Variants in PLEKHG2 observed in about 807,000 individuals in gnomAD.
PLEKHG2 encodes the protein pleckstrin homology and RhoGEF domain containing G2.
In PLEKHG2, 71 loss-of-function variants were observed where a neutral mutation model predicts 104.4. The observed-to-expected ratio is 0.68, with a 90% CI of 0.56 to 0.83. The LOEUF is 0.83. PLEKHG2 is among the 40% of genes least tolerant of loss of function. The pLI, the probability that PLEKHG2 is intolerant of heterozygous loss-of-function variation, is 0.00. For missense variants in PLEKHG2, 1,730 were observed against 1,809.4 expected (o/e 0.96, Z 0.80); for synonymous variants, 728 against 737.0 (o/e 0.99, Z 0.20).
intron 9 of PLEKHG2, 132 bp downstream of exon 9, chr19:39,418,237 G>A (rs2078640482): frequency 2.5e-6 from 2 of 807,202 alleles, no homozygotes; most frequent in East Asian, 3.2e-5. Flanking sequence ...GGAAGCCAAG[G>A]GAAGCTTTCT....
intron 7 of PLEKHG2, 151 bp from the exon 8 acceptor site, chr19:39,417,404 C>A (rs2078623521): frequency 2.0e-6 from 2 of 1,024,550 alleles, no homozygotes; most frequent in Non-Finnish European, 2.8e-6. Flanking sequence ...TTGCCCACCT[C>A]AGCCTCCCAA....
chr19:39,421,527 A>G (rs1600660296), intron 16 of PLEKHG2: 2 of 563,844 alleles, frequency 3.5e-6, no homozygotes, highest in Non-Finnish European at 6.4e-6. Flanking sequence ...CTCTACAAAA[A>G]GTACAAAAAA....
rs1300965929 is a variant in PLEKHG2 at position 39,424,786 on chromosome 19, G to C, written c.3653G>C (p.Gly1218Ala). The part of the protein sequence containing the change: ...VPAATPLPER[G>A]GSLDIQGLSP... Reference sequence around the variant, plus strand: ...GCTGCCACACCTTTACCTGAGAGAGGAGGCTCTCTAGACATTCAGGGCCTC... The same window carrying C: ...GCTGCCACACCTTTACCTGAGAGAGCAGGCTCTCTAGACATTCAGGGCCTC... The change falls in exon 19 of 19, where the codon GGA becomes GCA. Residue 1218 changes from glycine (G) to alanine (A), a missense_variant. Coordinates refer to ENST00000425673, the MANE Select transcript of PLEKHG2 (RefSeq NM_022835.3). 4 of 1,614,010 alleles carry C rather than the reference G, an allele frequency of 2.5e-6. No homozygotes were observed. The African/African-American group carries it at 4.0e-5, about 16-fold the overall frequency.
Position 39,423,008 on chromosome 19 carries a change from G to A in PLEKHG2, c.1954G>A (p.Glu652Lys), listed in dbSNP as rs774674904. ...PEIPSRCEIP[E>K]GSRLPSLSDI... ...AATTCCCAGCCGCTGTGAAATTCCC[G>A]AAGGTTCTCGCCTTCCTAGTCTCTC... The change falls in exon 18 of 19, where the codon GAA becomes AAA. Residue 652 changes from glutamate to lysine, a missense_variant. Transcript: ENST00000425673. 3.7e-6 allele frequency: 6 copies of A among 1,614,152 alleles called. No homozygotes were observed. Among genetic ancestry groups the A allele is most frequent in the Admixed American group, 1.7e-5 (1 of 60,012 alleles).
chr19:39,418,557 T>C (rs889544764), intron 9 of PLEKHG2, among the ~76,000 whole-genome samples, 177 bp from the exon 10 acceptor site: 14 of 149,704 alleles, frequency 9.4e-5, no homozygotes, highest in African/African-American at 1.7e-4. Flanking sequence ...CCAGCCTGGG[T>C]GACAGAGCAA....
chr19:39,417,033 G>C (rs763986023), intron 7 of PLEKHG2, 33 bp downstream of exon 7: 113 of 1,573,824 alleles, frequency 7.2e-5, no homozygotes, highest in Middle Eastern at 1.7e-4. Flanking sequence ...AGGCTGGGGA[G>C]GGGGAGGTCC....
In PLEKHG2 at chr19:39,418,694, C is replaced by T. The variant is rs2078648653; in HGVS notation, c.1084-40C>T. 3.9e-6 allele frequency: 6 copies of T among 1,544,744 alleles called. No individual in the cohort carries two copies. The South Asian group carries it at 4.5e-5, about 12-fold the overall frequency. On this transcript the variant is annotated intron_variant, in intron 9 of 18. Transcript: ENST00000425673. ...CTCCGTACAAGGGGCATCACTGAGC[C>T]CAAGGACTCTGAGCTTGCTACCCCT... is the stretch of plus-strand genomic sequence containing the variant.
Position 39,418,123 on chromosome 19 carries a change from G to A in PLEKHG2, c.1083+18G>A, listed in dbSNP as rs776964458. The A allele has an allele frequency of 1.3e-6, 2 of 1,490,936 alleles. No individual in the cohort carries two copies. The highest frequency in any genetic ancestry group is 1.8e-6 in the Non-Finnish European group (2 of 1,121,884). 92.4% of individuals were successfully genotyped at this position (1,490,936 alleles called of 1,614,324 possible). On this transcript the variant is annotated intron_variant, in intron 9 of 18. Transcript: ENST00000425673. ...ACATCTTCGTGAGTTTGGGGATGGG[G>A]TGGGGCTAGAATACTACCTACAAAG...
Position 39,416,744 on chromosome 19 carries a change from C to A in PLEKHG2, c.594-106C>A. On this transcript the variant is annotated intron_variant, in intron 6 of 18. Transcript: ENST00000425673. This position sits in a 1 kb window ranked among gnomAD's most constrained non-coding sequence, Gnocchi z 4.5. The stretch of plus-strand genomic sequence containing the variant: ...AACTGACCTCTCCCTCACTGCCCCG[C>A]CCCCTGTCAGACCCTGACCCTTCCC... 1 of 1,471,538 alleles carries A rather than the reference C, an allele frequency of 6.8e-7. No individual in the cohort carries two copies. Among genetic ancestry groups the A allele is most frequent in the Non-Finnish European group, 9.3e-7 (1 of 1,076,402 alleles). The allele number at this position is 1,471,538 out of a possible 1,614,324, so 91.2% of individuals were successfully genotyped here.
Position 39,416,962 on chromosome 19 carries a change from C to G in PLEKHG2, c.706C>G (p.Pro236Ala), listed in dbSNP as rs779568921. The change falls in exon 7 of 19, where the codon CCT becomes GCT. Residue 236 changes from proline (P) to alanine (A), a missense_variant. Transcript: ENST00000425673. This position sits in a 1 kb window ranked among gnomAD's most constrained non-coding sequence, Gnocchi z 4.5. ...GCCCCTGCAGAGCTTCCTGCTGAAA[C>G]CTGTCCAGCGCATTCTCAAGTACCA... ...SLPLQSFLLK[P>A]VQRILKYHLL... 7.4e-6 allele frequency: 12 copies of G among 1,613,350 alleles called. No individual in the cohort carries two copies. The Admixed American group carries it at 1.8e-4, about 25-fold the overall frequency.
chr19:39,425,259 G>C lies in PLEKHG2; in HGVS notation c.4126G>C (p.Ala1376Pro). Reference protein sequence around the residue: ...STQESMGLHRAQGAPDAPFHM With the variant: ...STQESMGLHRPQGAPDAPFHM ...ACAGGAATCTATGGGCCTTCACAGGGCCCAGGGGGCTCCTGATGCCCCCTT... is the reference window on the plus strand; with the variant it reads ...ACAGGAATCTATGGGCCTTCACAGGCCCCAGGGGGCTCCTGATGCCCCCTT... The change falls in exon 19 of 19, where the codon GCC becomes CCC. Residue 1376 changes from alanine to proline, a missense_variant. Ala to Pro is a conservative substitution (Grantham distance 27). Coordinates refer to ENST00000425673, the MANE Select transcript of PLEKHG2 (RefSeq NM_022835.3). 1 of 1,613,072 alleles carries C rather than the reference G, an allele frequency of 6.2e-7. No individual in the cohort carries two copies.
At position 39,415,492 on chromosome 19, in the gene PLEKHG2, TC is replaced by T; in HGVS notation, c.479+55del. On this transcript the variant is annotated intron_variant, in intron 4 of 18. Transcript: ENST00000425673. The surrounding 1 kb of genome is among the most constrained non-coding windows in gnomAD (Gnocchi z 4.6). ...GCATTGATTGGTTGGAGGGTCTATT[TC>T]CTAATCCAAACCTCGGAGCTTCGTA... 1 of 1,590,810 alleles carries T rather than the reference TC, an allele frequency of 6.3e-7. No individual in the cohort carries two copies. Among genetic ancestry groups the T allele is most frequent in the Non-Finnish European group, 8.6e-7 (1 of 1,163,180 alleles).
rs1467568616 is a variant in PLEKHG2 at position 39,413,229 on chromosome 19, C to T, written c.-206C>T. 6.6e-6 allele frequency: 1 copy of T among 152,272 alleles called. No individual in the cohort carries two copies. The highest frequency in any genetic ancestry group is 1.5e-5 in the Non-Finnish European group (1 of 68,102). 9.4% of individuals were successfully genotyped at this position (152,272 alleles called of 1,614,324 possible). ...GAGTCGAGGCTCCTAGCATCCCCTA[C>T]GTAGAACACTGAGAAATTCCGACTG... On this transcript the variant is annotated 5_prime_UTR_variant, in exon 1 of 19. The change creates a new upstream start codon in the 5' untranslated region. Coordinates refer to ENST00000425673, the MANE Select transcript of PLEKHG2 (RefSeq NM_022835.3). The surrounding 1 kb of genome is among the most constrained non-coding windows in gnomAD (Gnocchi z 4.5).
chr19:39,420,577 T>C (rs1417625210), intron 11 of PLEKHG2, 49 bp from the exon 12 acceptor site: 2 of 1,612,824 alleles, frequency 1.2e-6, no homozygotes, highest in Non-Finnish European at 1.7e-6. Flanking sequence ...ATCCTCTCTG[T>C]GGTACTCCAA....
chr19:39,417,851 C>T (rs2078632162), intron 8 of PLEKHG2, 54 bp from the exon 9 acceptor site: 3 of 1,507,294 alleles, frequency 2.0e-6, no homozygotes, highest in East Asian at 2.5e-5. Flanking sequence ...TATGTGTGTG[C>T]CACCTACCCA....
At chr19:39,421,566 T>G in intron 16 of PLEKHG2, 1 of 498,816 alleles carries the variant, frequency 2.0e-6, no homozygotes, top group South Asian at 2.1e-5. Flanking sequence ...TGCATGCCCA[T>G]AGTCCCAGCT....
intron 16 of PLEKHG2, among the ~76,000 whole-genome samples, 171 bp downstream of exon 16, chr19:39,421,470 G>A (rs547073108): frequency 6.6e-6 from 1 of 152,036 alleles, no homozygotes; most frequent in Admixed American, 6.6e-5. Flanking sequence ...AGGATTGCTC[G>A]AGCCCAGGAG....
chr19:39,425,014 A>T lies in PLEKHG2; in HGVS notation c.3881A>T (p.Gln1294Leu). ...ATCAGCCAGAGCCTGGCTCGGCGGC[A>T]GGGGCCTGGGGGAGGGGCCCCCGCA... ...SYISQSLARR[Q>L]GPGGGAPAAS... Residue 1294 changes from glutamine to leucine, a missense_variant, in exon 19 of 19, where the codon CAG (glutamine) becomes CTG (leucine). Physicochemically the swap from Gln to Leu is moderately radical, Grantham distance 113 (BLOSUM62 -2). Coordinates refer to ENST00000425673, the MANE Select transcript of PLEKHG2 (RefSeq NM_022835.3). The T allele has an allele frequency of 1.9e-6, 3 of 1,608,346 alleles. No homozygotes were observed. Among genetic ancestry groups the T allele is most frequent in the African/African-American group, 1.3e-5 (1 of 74,898 alleles).
At position 39,425,031 on chromosome 19, in the gene PLEKHG2, GC is replaced by G. The variant is rs748579666; in HGVS notation, c.3903del (p.Ala1302GlnfsTer57). On this transcript the variant is annotated frameshift_variant, in exon 19 of 19. Coordinates refer to ENST00000425673, the MANE Select transcript of PLEKHG2 (RefSeq NM_022835.3). LOFTEE classifies it high-confidence loss of function. ...LARRQGPGGG[A>X]PAASRGSWSS... ...TCGGCGGCAGGGGCCTGGGGGAGGG[GC>G]CCCCGCAGCCTCCCGGGGCTCCTGG... is the stretch of plus-strand genomic sequence containing the variant. 2 of 1,599,242 alleles carry G rather than the reference GC, an allele frequency of 1.3e-6. No individual in the cohort carries two copies. The highest frequency in any genetic ancestry group is 8.5e-7 in the Non-Finnish European group (1 of 1,172,840).
Sources: gnomAD v4.1 joint callset for allele counts (sites outside exome capture counted in the v4.1 genomes callset) on GRCh38, gnomAD v4.1.1 for gene constraint, Gnocchi (gnomAD v3.1) non-coding constraint, MANE v1.5 for transcripts, NCBI Gene and HGNC (gene_info 2026-07-23, HGNC 2026-07-21) for gene names.